Variants in NKAIN3 observed in about 807,000 individuals in gnomAD.
The protein encoded by NKAIN3 is sodium/potassium transporting ATPase interacting 3.
Under a neutral mutation model 30.2 loss-of-function variants are expected in NKAIN3, and 25 were observed. That is an observed-to-expected ratio of 0.83 (90% CI 0.60 to 1.16). The LOEUF is 1.16. NKAIN3 is among the 50% of genes most tolerant of loss of function. NKAIN3 has a pLI of 0.00. For missense variants in NKAIN3, 225 were observed against 254.1 expected, an observed-to-expected ratio of 0.89 and a Z score of 0.78; for synonymous variants, 91 against 89.6, an observed-to-expected ratio of 1.02 and a Z score of -0.09.
chr8:62,447,241 G>T (rs1727865925), intron 1 of NKAIN3, among the ~76,000 whole-genome samples: 1 of 151,942 alleles, frequency 6.6e-6, no homozygotes, highest in Non-Finnish European at 1.5e-5. Flanking sequence ...TTAATAAATA[G>T]AATCTTTTGT....
chr8:62,823,055 T>C (rs1818900019), intron 4 of NKAIN3, among the ~76,000 whole-genome samples: 1 of 152,106 alleles, frequency 6.6e-6, no homozygotes, highest in African/African-American at 2.4e-5. Context: ...TTAGCATGAG[T>C]GGAGCATGCA....
intron 1 of NKAIN3, among the ~76,000 whole-genome samples, chr8:62,336,330 C>A (rs1307897171): frequency 1.3e-5 from 2 of 152,066 alleles, no homozygotes; most frequent in Admixed American, 6.6e-5. Context: ...GTTCATCTTT[C>A]TTGCCAGACT....
chr8:62,858,029 A>AT (rs766204186), intron 4 of NKAIN3, among the ~76,000 whole-genome samples: 3 of 55,760 alleles, frequency 5.4e-5, no homozygotes, highest in East Asian at 3.5e-4. Flanking sequence ...TCTCACAGGG[A>AT]TTTTTTCTTG....
intron 1 of NKAIN3, among the ~76,000 whole-genome samples, chr8:62,549,327 T>C (rs1471804914): frequency 6.6e-6 from 1 of 152,098 alleles, no homozygotes; most frequent in African/African-American, 2.4e-5. Flanking sequence ...GCTGCACTTC[T>C]TTTTTTGGGG....
At chr8:62,507,038 T>C (rs1018141818) in intron 1 of NKAIN3, among the ~76,000 whole-genome samples, 2 of 152,224 alleles carry the variant, frequency 1.3e-5, no homozygotes, top group Non-Finnish European at 2.9e-5. Context: ...TTATTGCTAA[T>C]GTAAAATGTT....
intron 1 of NKAIN3, among the ~76,000 whole-genome samples, chr8:62,344,135 G>A (rs1815845867): frequency 6.6e-6 from 1 of 151,756 alleles, no homozygotes; most frequent in African/African-American, 2.4e-5. Flanking sequence ...GTGGCTTCTG[G>A]GGCAACACAG....
intron 1 of NKAIN3, among the ~76,000 whole-genome samples, chr8:62,490,370 A>G (rs756867457): frequency 3.3e-5 from 5 of 152,198 alleles, no homozygotes; most frequent in East Asian, 1.9e-4. Flanking sequence ...CTGCAATTGT[A>G]TAAACAAATC....
At chr8:62,325,538 G>T (rs950040135) in intron 1 of NKAIN3, among the ~76,000 whole-genome samples, 1 of 152,022 alleles carries the variant, frequency 6.6e-6, no homozygotes, top group Non-Finnish European at 1.5e-5. Flanking sequence ...TCTACTTTTA[G>T]TTCTTTAAGG....
chr8:62,468,596 G>T (rs1806231551), intron 1 of NKAIN3, among the ~76,000 whole-genome samples: 1 of 152,168 alleles, frequency 6.6e-6, no homozygotes, highest in East Asian at 1.9e-4. Flanking sequence ...TTTCTTCATT[G>T]TTGTTCTACA....
chr8:62,861,597 A>G (rs1563598670), intron 4 of NKAIN3, among the ~76,000 whole-genome samples: 2 of 152,184 alleles, frequency 1.3e-5, no homozygotes, highest in Admixed American at 6.5e-5. Context: ...AAATCCCAGG[A>G]CTTTGAAATA....
At chr8:62,942,074 A>G (rs1304066430) in intron 5 of NKAIN3, among the ~76,000 whole-genome samples, 1 of 151,906 alleles carries the variant, frequency 6.6e-6, no homozygotes, top group Non-Finnish European at 1.5e-5. Flanking sequence ...GTTTCAGGAT[A>G]CAAAATTAAT....
chr8:62,402,845 C>G (rs1803926510), intron 1 of NKAIN3, among the ~76,000 whole-genome samples: 1 of 152,116 alleles, frequency 6.6e-6, no homozygotes, highest in Admixed American at 6.5e-5. Flanking sequence ...AATGTGGAAG[C>G]AACTTTGGAA....
At chr8:62,693,758 G>A (rs1373497257) in intron 3 of NKAIN3, among the ~76,000 whole-genome samples, 1 of 152,080 alleles carries the variant, frequency 6.6e-6, no homozygotes, top group African/African-American at 2.4e-5. Context: ...AGCCCTTGGA[G>A]CACTCTAACT....
chr8:62,874,476 A>G (rs1237321253), intron 4 of NKAIN3, among the ~76,000 whole-genome samples: 4 of 152,260 alleles, frequency 2.6e-5, no homozygotes, highest in Non-Finnish European at 5.9e-5. Flanking sequence ...TGAAGCCAGT[A>G]TCATGCTGAT....
chr8:62,430,729 G>T (rs1168031591), intron 1 of NKAIN3, among the ~76,000 whole-genome samples: 1 of 151,822 alleles, frequency 6.6e-6, no homozygotes, highest in East Asian at 1.9e-4. Flanking sequence ...CTATAAATGG[G>T]TTATGAAAAT....
At chr8:62,481,439 A>G (rs1806715617) in intron 1 of NKAIN3, among the ~76,000 whole-genome samples, 1 of 152,018 alleles carries the variant, frequency 6.6e-6, no homozygotes, top group Admixed American at 6.6e-5. Context: ...GCATAACTCT[A>G]TCATTGGACT....
intron 3 of NKAIN3, among the ~76,000 whole-genome samples, chr8:62,678,101 T>C (rs1207296941): frequency 5.3e-5 from 8 of 152,320 alleles, no homozygotes; most frequent in African/African-American, 1.9e-4. Context: ...GCTGTGAATA[T>C]GTTATTTTGA....
chr8:62,862,324 T>C (rs1192958400), intron 4 of NKAIN3, among the ~76,000 whole-genome samples: 1 of 151,868 alleles, frequency 6.6e-6, no homozygotes, highest in Non-Finnish European at 1.5e-5. Context: ...ATGGAATCAA[T>C]GAATGGAATC....
chr8:62,401,420 A>G (rs940444945), intron 1 of NKAIN3, among the ~76,000 whole-genome samples: 5 of 151,936 alleles, frequency 3.3e-5, no homozygotes, highest in African/African-American at 1.2e-4. Context: ...TCTCTCCATA[A>G]TGTTTCACTG....
Sources: gnomAD v4.1 joint callset for allele counts (sites outside exome capture counted in the v4.1 genomes callset) on GRCh38, gnomAD v4.1.1 for gene constraint, MANE v1.5 for transcripts, NCBI Gene and HGNC (gene_info 2026-07-23, HGNC 2026-07-21) for gene names.